SDC2: variants seen among roughly 807,000 people sequenced by gnomAD.
The protein encoded by SDC2 is syndecan-2.
SDC2 carries 13 observed loss-of-function variants against 22.2 expected under a neutral mutation model. The observed-to-expected ratio is 0.59, with a 90% CI of 0.38 to 0.93. The LOEUF is 0.93. Ranked by LOEUF, SDC2 falls within the 40% of genes least tolerant of loss-of-function variation. The pLI, the probability that SDC2 is intolerant of heterozygous loss-of-function variation, is 0.00. For missense variants in SDC2, 235 were observed against 246.8 expected (o/e 0.95, Z 0.32); for synonymous variants, 94 against 92.8 (o/e 1.01, Z -0.07).
intron 1 of SDC2, among the ~76,000 whole-genome samples, chr8:96,511,031 G>T (rs1362970162): frequency 6.6e-6 from 1 of 152,148 alleles, no homozygotes; most frequent in East Asian, 1.9e-4. Flanking sequence ...AGCATCTACA[G>T]CTCCTCGGAC....
At chr8:96,585,482 G>A (rs1478297343) in intron 1 of SDC2, among the ~76,000 whole-genome samples, 1 of 152,138 alleles carries the variant, frequency 6.6e-6, no homozygotes, top group Admixed American at 6.5e-5. Flanking sequence ...GTGAGTGTGT[G>A]TACCCAGGGC....
chr8:96,517,791 GTGTGTGTGTGTA>G (rs1477840482), intron 1 of SDC2, among the ~76,000 whole-genome samples: 5 of 134,618 alleles, frequency 3.7e-5, no homozygotes, highest in East Asian at 2.5e-4. Flanking sequence ...GTGTGTGTGT[GTGTGTGTGTGTA>G]TATATATATG....
Position 96,518,478 on chromosome 8 carries a change from AGCCTCCCAAG to A in SDC2, c.60+24148_60+24157del, listed in dbSNP as rs1441447250. The stretch of plus-strand genomic sequence containing the variant: ...CAGGTTCACGTCATTCTCCTGCCTC[AGCCTCCCAAG>A]TAGCTGGGACTACAGACGCCCGCCA... On this transcript the variant is annotated intron_variant, in intron 1 of 4. Transcript: ENST00000302190. Among the ~76,000 whole-genome samples the A allele has an allele frequency of 4.0e-4, 60 of 151,170 alleles. No individual in the cohort carries two copies. The East Asian group carries it at 8.7e-3, about 22-fold the overall frequency.
chr8:96,579,401 C>T (rs1814555248), intron 1 of SDC2, among the ~76,000 whole-genome samples: 1 of 152,212 alleles, frequency 6.6e-6, no homozygotes, highest in South Asian at 2.1e-4. Flanking sequence ...TTTTGAAATG[C>T]TTGAGTTTCT....
chr8:96,521,746 G>A (rs1250662829), intron 1 of SDC2, among the ~76,000 whole-genome samples: 3 of 152,126 alleles, frequency 2.0e-5, no homozygotes, highest in Non-Finnish European at 1.5e-5. Flanking sequence ...TAAAGGTTGG[G>A]GAGCTAATTT....
At chr8:96,569,565 G>T (rs1012630731) in intron 1 of SDC2, among the ~76,000 whole-genome samples, 1 of 152,138 alleles carries the variant, frequency 6.6e-6, no homozygotes. Context: ...TTTGCTAAAT[G>T]AACTAAAATG....
At chr8:96,567,014 C>G (rs547437800) in intron 1 of SDC2, among the ~76,000 whole-genome samples, 1 of 152,110 alleles carries the variant, frequency 6.6e-6, no homozygotes, top group African/African-American at 2.4e-5. Flanking sequence ...TCACCACGCC[C>G]GGCTAATTTT....
chr8:96,567,295 G>C (rs1274566738), intron 1 of SDC2, among the ~76,000 whole-genome samples: 2 of 152,214 alleles, frequency 1.3e-5, no homozygotes. Context: ...CCTCTTAATT[G>C]CAATTTGAAC....
chr8:96,535,411 A>G (rs1586286268), intron 1 of SDC2, among the ~76,000 whole-genome samples: 1 of 152,354 alleles, frequency 6.6e-6, no homozygotes, highest in African/African-American at 2.4e-5. Flanking sequence ...AGCATCCTGT[A>G]TTTTTAAGTC....
chr8:96,546,220 T>C (rs1813930153), intron 1 of SDC2, among the ~76,000 whole-genome samples: 1 of 152,200 alleles, frequency 6.6e-6, no homozygotes, highest in South Asian at 2.1e-4. Context: ...AGTTGGAGGA[T>C]GTGACTTGGA....
At chr8:96,562,759 G>T (rs147959979) in intron 1 of SDC2, among the ~76,000 whole-genome samples, 70 of 152,280 alleles carry the variant, frequency 4.6e-4, no homozygotes, top group African/African-American at 1.6e-3. Flanking sequence ...CTTTCAAGCA[G>T]AGCTTTTGTG....
chr8:96,518,744 A>T (rs1323274217), intron 1 of SDC2, among the ~76,000 whole-genome samples: 1 of 152,132 alleles, frequency 6.6e-6, no homozygotes, highest in Admixed American at 6.5e-5. Context: ...GGGAATTTAG[A>T]ACTATAGGCT....
intron 1 of SDC2, among the ~76,000 whole-genome samples, chr8:96,500,698 A>C (rs1276960592): frequency 6.6e-6 from 1 of 151,438 alleles, no homozygotes; most frequent in Non-Finnish European, 1.5e-5. Flanking sequence ...AAATGCATTA[A>C]ATTTCTTCTT....
chr8:96,585,623 C>T (rs976065937), intron 1 of SDC2, among the ~76,000 whole-genome samples: 1 of 152,112 alleles, frequency 6.6e-6, no homozygotes, highest in African/African-American at 2.4e-5. Context: ...CATATGAGAT[C>T]TTTCTGGATC....
At chr8:96,512,657 G>A (rs1008293290) in intron 1 of SDC2, among the ~76,000 whole-genome samples, 2 of 152,126 alleles carry the variant, frequency 1.3e-5, no homozygotes, top group African/African-American at 2.4e-5. Flanking sequence ...ATTTACTGTC[G>A]AGTTAGTCAA....
At chr8:96,563,882 TCCTC>T (rs960676613) in intron 1 of SDC2, among the ~76,000 whole-genome samples, 25 of 152,320 alleles carry the variant, frequency 1.6e-4, no homozygotes, top group Admixed American at 7.8e-4. Flanking sequence ...TACTTCTGTT[TCCTC>T]TCTGCATGTT....
chr8:96,533,869 G>C (rs1295855106), intron 1 of SDC2, among the ~76,000 whole-genome samples: 3 of 152,242 alleles, frequency 2.0e-5, no homozygotes, highest in Non-Finnish European at 4.4e-5. Flanking sequence ...TTGGGCAGTA[G>C]ATGGGACCAG....
intron 2 of SDC2, among the ~76,000 whole-genome samples, chr8:96,600,443 A>C (rs931768987): frequency 6.6e-6 from 1 of 152,236 alleles, no homozygotes; most frequent in Non-Finnish European, 1.5e-5. Flanking sequence ...AACAACAACA[A>C]ACAAAAATCA....
intron 1 of SDC2, among the ~76,000 whole-genome samples, chr8:96,519,579 GA>G (rs765864502): frequency 1.5e-4 from 23 of 151,878 alleles, no homozygotes; most frequent in East Asian, 3.9e-4. Flanking sequence ...ATCTAGGGGG[GA>G]AAAATCCTAA....
Sources: allele counts gnomAD v4.1 joint callset (sites outside exome capture counted in the v4.1 genomes callset), GRCh38; gene constraint gnomAD v4.1.1; transcripts MANE v1.5; gene names NCBI Gene and HGNC (gene_info 2026-07-23, HGNC 2026-07-21).